The following FAM241A variants were observed in gnomAD, a reference collection of about 807,000 sequenced individuals.
FAM241A encodes the protein uncharacterized protein FAM241A.
A neutral mutation model predicts 12.2 loss-of-function variants in FAM241A; 7 were observed. The ratio of observed to expected loss-of-function variants is 0.58; its 90% CI spans 0.33 to 1.08. FAM241A has a LOEUF of 1.08. Ranked by LOEUF, FAM241A falls within the 50% of genes least tolerant of loss-of-function variation. The pLI, the probability that FAM241A is intolerant of heterozygous loss-of-function variation, is 0.04. For synonymous variants in FAM241A, 74 were observed against 68.2 expected, an observed-to-expected ratio of 1.08 and a Z score of -0.42; for missense variants, 161 against 169.7, an observed-to-expected ratio of 0.95 and a Z score of 0.29.
At chr4:112,146,396 G>GT (rs1723139239) in intron 1 of FAM241A, among the ~76,000 whole-genome samples, 1 of 152,178 alleles carries the variant, frequency 6.6e-6, no homozygotes, top group Non-Finnish European at 1.5e-5. Flanking sequence ...GAGAAGTTGC[G>GT]TAATTTTTTA....
At chr4:112,173,803 C>T (rs1238949899) in intron 1 of FAM241A, among the ~76,000 whole-genome samples, 2 of 152,108 alleles carry the variant, frequency 1.3e-5, no homozygotes, top group Admixed American at 6.6e-5. Flanking sequence ...GAAGTTGTCT[C>T]ACAGTTCACC....
rs112124131 is a variant in FAM241A, at chr4:112,185,095, G to A, written c.154-1598G>A. 5.0e-4 allele frequency among the ~76,000 whole-genome samples: 76 copies of A among 151,990 alleles called. 1 individual carries two copies. In the South Asian group the frequency reaches 8.9e-3, roughly 18 times the overall value. ...CCCTATATCTAAAGGCTTTTTAAAC[G>A]TATAATAAATTCTCCATCATGTACA... On this transcript the variant is annotated intron_variant, in intron 1 of 1. Coordinates refer to ENST00000309733, the MANE Select transcript of FAM241A (RefSeq NM_152400.3).
chr4:112,172,840 C>T (rs1033117977), intron 1 of FAM241A, among the ~76,000 whole-genome samples: 10 of 151,936 alleles, frequency 6.6e-5, no homozygotes, highest in Non-Finnish European at 1.3e-4. Flanking sequence ...TTCATTTATG[C>T]GTTAATATGT....
intron 1 of FAM241A, among the ~76,000 whole-genome samples, chr4:112,173,206 T>C (rs1352657320): frequency 6.6e-6 from 1 of 152,170 alleles, no homozygotes; most frequent in Non-Finnish European, 1.5e-5. Flanking sequence ...AGATTTAATG[T>C]GGGCCATAGA....
Position 112,187,047 on chromosome 4 carries a change from G to T in FAM241A, c.*109G>T. On this transcript the variant is annotated 3_prime_UTR_variant, in exon 2 of 2. Coordinates refer to ENST00000309733, the MANE Select transcript of FAM241A (RefSeq NM_152400.3). ...AAAAGTTTGCCTTGTTTCAAATCATGTGCTGGCTGTTTTGTAAGTAAATTT... is the reference window on the plus strand; with the variant it reads ...AAAAGTTTGCCTTGTTTCAAATCATTTGCTGGCTGTTTTGTAAGTAAATTT... The T allele has an allele frequency of 8.0e-7, 1 of 1,244,332 alleles. No homozygotes were observed. Among genetic ancestry groups the T allele is most frequent in the Non-Finnish European group, 1.1e-6 (1 of 889,660 alleles). The allele number at this position is 1,244,332 out of a possible 1,614,324, so 77.1% of individuals were successfully genotyped here.
At chr4:112,180,746 A>C (rs1241173039) in intron 1 of FAM241A, among the ~76,000 whole-genome samples, 1 of 152,208 alleles carries the variant, frequency 6.6e-6, no homozygotes, top group African/African-American at 2.4e-5. Flanking sequence ...ATGAAAGAAG[A>C]GGAGCCAAGG....
rs188469695 is a variant in FAM241A at position 112,155,121 on chromosome 4, A to G, written c.153+9388A>G. 1.5e-4 allele frequency among the ~76,000 whole-genome samples: 23 copies of G among 152,172 alleles called. No individual in the cohort carries two copies. In the East Asian group the frequency reaches 3.9e-3, roughly 26 times the overall value. The stretch of plus-strand genomic sequence containing the variant: ...GCCCACAGTTATATATCATTAGTTC[A>G]TGAAAAGCCCTTCTCTTATTTAATT... On this transcript the variant is annotated intron_variant, in intron 1 of 1. Coordinates refer to ENST00000309733, the MANE Select transcript of FAM241A (RefSeq NM_152400.3).
At chr4:112,167,038 C>T (rs1167627058) in intron 1 of FAM241A, among the ~76,000 whole-genome samples, 1 of 121,580 alleles carries the variant, frequency 8.2e-6, no homozygotes, top group African/African-American at 3.4e-5. Context: ...GGCGTGAACC[C>T]GGGAGGCGGA....
Position 112,193,832 on chromosome 4 carries a change from C to G in FAM241A, c.*6894C>G, listed in dbSNP as rs1317016590. 6.6e-6 allele frequency: 1 copy of G among 150,442 alleles called. No homozygotes were observed. Among genetic ancestry groups the G allele is most frequent in the Non-Finnish European group, 1.5e-5 (1 of 67,514 alleles). The allele number at this position is 150,442 out of a possible 1,614,324, so 9.3% of individuals were successfully genotyped here. A position where few individuals can be genotyped will look rare whatever the true frequency, so the allele number is the denominator to read the frequency against. ...CTTAGGATTGACTTGGCGATGCGGG[C>G]TCTTTTTTGGTTCCATATGAACTTT... On this transcript the variant is annotated 3_prime_UTR_variant, in exon 2 of 2. Transcript: ENST00000309733.
At chr4:112,164,501 GA>G (rs35697127) in intron 1 of FAM241A, among the ~76,000 whole-genome samples, 57,103 of 151,200 alleles carry the variant, frequency 0.38, 12,252 homozygotes, top group South Asian at 0.51. Context: ...TAATGTAAAT[GA>G]CAAGTTAATG....
chr4:112,165,563 C>G (rs1723576859), intron 1 of FAM241A, among the ~76,000 whole-genome samples: 1 of 152,194 alleles, frequency 6.6e-6, no homozygotes, highest in Non-Finnish European at 1.5e-5. Flanking sequence ...CAAGGGAGTA[C>G]TATTCAGCCG....
At chr4:112,175,692 C>T (rs959568664) in intron 1 of FAM241A, among the ~76,000 whole-genome samples, 30 of 151,746 alleles carry the variant, frequency 2.0e-4, no homozygotes, top group African/African-American at 6.8e-4. Flanking sequence ...CGCTTGAACC[C>T]GGGAGGCAGA....
chr4:112,164,572 A>G (rs550453456), intron 1 of FAM241A, among the ~76,000 whole-genome samples: 27 of 152,324 alleles, frequency 1.8e-4, no homozygotes, highest in Admixed American at 1.4e-3. Flanking sequence ...CGTTGTGCAC[A>G]TGTACCCTAG....
At chr4:112,181,651 C>G (rs180779496) in intron 1 of FAM241A, among the ~76,000 whole-genome samples, 202 of 152,218 alleles carry the variant, frequency 1.3e-3, no homozygotes, top group African/African-American at 4.6e-3. Context: ...AAGCTAAGAC[C>G]AAAAGGAGAG....
chr4:112,162,760 A>T (rs1723502630), intron 1 of FAM241A, among the ~76,000 whole-genome samples: 2 of 152,208 alleles, frequency 1.3e-5, no homozygotes, highest in African/African-American at 4.8e-5. Context: ...ATTCAGTGCC[A>T]TCCCCATCAA....
intron 1 of FAM241A, among the ~76,000 whole-genome samples, chr4:112,168,916 C>T (rs75232975): frequency 0.092 from 14,062 of 152,214 alleles, 800 homozygotes; most frequent in African/African-American, 0.15. Flanking sequence ...CCGCCTGCCT[C>T]GGCCTCCTGG....
intron 1 of FAM241A, among the ~76,000 whole-genome samples, chr4:112,153,470 C>T (rs1437370796): frequency 1.3e-5 from 2 of 152,058 alleles, no homozygotes; most frequent in Admixed American, 1.3e-4. Flanking sequence ...CCAGTAACAG[C>T]CACCTATCTC....
rs982922579 is a variant in FAM241A, at chr4:112,187,792, T to C, written c.*854T>C. ...ATTTTTTTTTAGAAATTTATAATTT[T>C]ATAGTTCTTTCATAACACTTATTCT... On this transcript the variant is annotated 3_prime_UTR_variant, in exon 2 of 2. Transcript: ENST00000309733. 3.9e-5 allele frequency: 6 copies of C among 152,512 alleles called. No individual in the cohort carries two copies. Among genetic ancestry groups the C allele is most frequent in the Non-Finnish European group, 7.4e-5 (5 of 67,972 alleles). 9.4% of individuals were successfully genotyped at this position (152,512 alleles called of 1,614,324 possible).
Position 112,194,550 on chromosome 4 carries a change from T to C in FAM241A, c.*7612T>C, listed in dbSNP as rs959839870. ...CAATACCTGATTTATTGAGAGTTTT[T>C]AGCATGAAGCGTTGTTGAATTTTGT... is the stretch of plus-strand genomic sequence containing the variant. On this transcript the variant is annotated 3_prime_UTR_variant, in exon 2 of 2. Transcript: ENST00000309733. 3.5e-4 allele frequency: 54 copies of C among 152,270 alleles called. No individual in the cohort carries two copies. The highest frequency in any genetic ancestry group is 1.3e-3 in the African/African-American group (53 of 41,564). 9.4% of individuals were successfully genotyped at this position (152,270 alleles called of 1,614,324 possible).
Sources: allele counts gnomAD v4.1 joint callset (sites outside exome capture counted in the v4.1 genomes callset), GRCh38; gene constraint gnomAD v4.1.1; transcripts MANE v1.5; gene names NCBI Gene and HGNC (gene_info 2026-07-23, HGNC 2026-07-21).